DIP2C: variants seen among roughly 807,000 people sequenced by gnomAD.
The protein encoded by DIP2C is DIP2 acetate--CoA ligase C (putative).
DIP2C carries 33 observed loss-of-function variants against 192.4 expected under a neutral mutation model. The ratio of observed to expected loss-of-function variants is 0.17; its 90% CI spans 0.13 to 0.23. The LOEUF (loss-of-function observed/expected upper bound fraction) is 0.23, where lower values mean the gene tolerates loss of function less well. DIP2C is among the 10% of genes least tolerant of loss of function. The pLI, the probability that DIP2C is intolerant of heterozygous loss-of-function variation, is 1.00. For missense variants in DIP2C, 1,537 were observed against 2,110.1 expected, an observed-to-expected ratio of 0.73 and a Z score of 5.32; for synonymous variants, 979 against 864.1, an observed-to-expected ratio of 1.13 and a Z score of -2.33.
At chr10:436,150 G>A (rs1967173598) in intron 4 of DIP2C, among the ~76,000 whole-genome samples, 1 of 152,220 alleles carries the variant, frequency 6.6e-6, no homozygotes, top group African/African-American at 2.4e-5. Flanking sequence ...ACCACGTGTG[G>A]TGAGTGACAG....
At chr10:291,996 C>A (rs1024443305) in intron 32 of DIP2C, among the ~76,000 whole-genome samples, 1 of 152,216 alleles carries the variant, frequency 6.6e-6, no homozygotes, top group African/African-American at 2.4e-5. Context: ...GACTGAGCCA[C>A]CAAAAGGACC....
At chr10:576,181 C>A (rs938169895) in intron 1 of DIP2C, among the ~76,000 whole-genome samples, 8 of 152,218 alleles carry the variant, frequency 5.3e-5, no homozygotes, top group Non-Finnish European at 1.0e-4. Flanking sequence ...ACATGTCCAG[C>A]ATTTATAAAT....
In DIP2C at chr10:281,205, C is replaced by T. The variant is rs375053800; in HGVS notation, c.4413G>A (p.Thr1471=). ...GCTGCAAGCTCACGACTTACCATTCCGTAACGCTTTTATGGGCTCTGATGA... is the reference window on the plus strand; with the variant it reads ...GCTGCAAGCTCACGACTTACCATTCTGTAACGCTTTTATGGGCTCTGATGA... ...TSVIRAHKSV[T]ECAVFTWTNL... The change falls in exon 36 of 37, where the codon ACG becomes ACA. Residue 1471 remains threonine (T), a synonymous_variant. Coordinates refer to ENST00000280886, the MANE Select transcript of DIP2C (RefSeq NM_014974.3). The T allele has an allele frequency of 1.1e-5, 17 of 1,613,896 alleles. No individual in the cohort carries two copies. Among genetic ancestry groups the T allele is most frequent in the Middle Eastern group, 1.6e-4 (1 of 6,082 alleles).
intron 9 of DIP2C, among the ~76,000 whole-genome samples, chr10:406,929 G>C (rs1278290881): frequency 6.6e-6 from 1 of 151,794 alleles, no homozygotes; most frequent in Non-Finnish European, 1.5e-5. Flanking sequence ...ACCCACCCAG[G>C]AACAGAAGAC....
intron 4 of DIP2C, among the ~76,000 whole-genome samples, chr10:434,739 G>GTATA (rs1486060006): frequency 3.9e-5 from 6 of 152,258 alleles, no homozygotes; most frequent in African/African-American, 1.4e-4. Flanking sequence ...ATTTCACAGG[G>GTATA]TATAGACTTC....
chr10:604,183 C>A (rs569394966), intron 1 of DIP2C, among the ~76,000 whole-genome samples: 1 of 152,080 alleles, frequency 6.6e-6, no homozygotes, highest in African/African-American at 2.4e-5. Flanking sequence ...CTGTCTGTTA[C>A]GCAGTCACAT....
chr10:579,671 G>C (rs941027336), intron 1 of DIP2C, among the ~76,000 whole-genome samples: 1 of 151,962 alleles, frequency 6.6e-6, no homozygotes, highest in South Asian at 2.1e-4. Context: ...CATAGTGTAT[G>C]TACGTAAGTG....
At chr10:411,238 G>C (rs1376604903) in intron 8 of DIP2C, among the ~76,000 whole-genome samples, 1 of 152,230 alleles carries the variant, frequency 6.6e-6, no homozygotes, top group African/African-American at 2.4e-5. Flanking sequence ...TCCTTGGTAG[G>C]AAAGCCAGAT....
chr10:360,153 C>T lies in DIP2C; in HGVS notation c.2795-2216G>A, dbSNP rs569700786. 7.2e-5 allele frequency among the ~76,000 whole-genome samples: 11 copies of T among 152,320 alleles called. No homozygotes were observed. The South Asian group carries it at 1.0e-3, about 14-fold the overall frequency. Reference sequence around the variant, plus strand: ...GACGTAGCACGTTCCCTCATCTCCACGTGCATCCTCTGAATGGAAGTTTGG... The same window carrying T: ...GACGTAGCACGTTCCCTCATCTCCATGTGCATCCTCTGAATGGAAGTTTGG... On this transcript the variant is annotated intron_variant, in intron 22 of 36. Coordinates refer to ENST00000280886, the MANE Select transcript of DIP2C (RefSeq NM_014974.3).
chr10:474,301 C>T (rs1314185050), intron 2 of DIP2C, among the ~76,000 whole-genome samples: 2 of 152,166 alleles, frequency 1.3e-5, no homozygotes, highest in African/African-American at 2.4e-5. Flanking sequence ...CTACAAATAC[C>T]GTTCTATCTT....
chr10:405,974 T>C (rs963853716), intron 9 of DIP2C, among the ~76,000 whole-genome samples: 13 of 152,300 alleles, frequency 8.5e-5, no homozygotes, highest in African/African-American at 2.6e-4. Context: ...TTTAGAAAAG[T>C]AGCGCCTTCA....
intron 1 of DIP2C, among the ~76,000 whole-genome samples, chr10:555,739 A>C (rs1322464828): frequency 6.6e-6 from 1 of 152,118 alleles, no homozygotes; most frequent in East Asian, 1.9e-4. Flanking sequence ...CTATGAAAAG[A>C]ATCTATAGAG....
intron 1 of DIP2C, among the ~76,000 whole-genome samples, chr10:543,323 A>G (rs1848109575): frequency 6.6e-6 from 1 of 152,250 alleles, no homozygotes; most frequent in African/African-American, 2.4e-5. Flanking sequence ...AGTAGCGAGA[A>G]CGTACACAGA....
At chr10:621,506 G>C (rs970604392) in intron 1 of DIP2C, among the ~76,000 whole-genome samples, 1 of 152,210 alleles carries the variant, frequency 6.6e-6, no homozygotes, top group African/African-American at 2.4e-5. Flanking sequence ...CACCCCCCAG[G>C]GGTGCACACA....
At chr10:591,945 C>T (rs1464689522) in intron 1 of DIP2C, among the ~76,000 whole-genome samples, 2 of 152,200 alleles carry the variant, frequency 1.3e-5, no homozygotes, top group Admixed American at 6.5e-5. Context: ...ATGTGCTTTA[C>T]ATCTTGTCTC....
In DIP2C at chr10:487,349, G is replaced by A. The variant is rs576767677; in HGVS notation, c.86-819C>T. On this transcript the variant is annotated intron_variant, in intron 1 of 36. Coordinates refer to ENST00000280886, the MANE Select transcript of DIP2C (RefSeq NM_014974.3). ...AAGCTTTAACAAAAATATAGCAAAT[G>A]AATGAAAAGTTATCAAGGTACACAC... is the stretch of plus-strand genomic sequence containing the variant. Among the ~76,000 whole-genome samples, 17 of 152,256 alleles carry A rather than the reference G, an allele frequency of 1.1e-4. No homozygotes were observed. The South Asian group carries it at 3.1e-3, about 28-fold the overall frequency.
intron 1 of DIP2C, among the ~76,000 whole-genome samples, chr10:612,308 C>A (rs1315253042): frequency 1.3e-5 from 2 of 151,832 alleles, no homozygotes; most frequent in Admixed American, 6.6e-5. Context: ...AAAAAATAAA[C>A]CAATACACCC....
intron 1 of DIP2C, among the ~76,000 whole-genome samples, chr10:647,200 C>T (rs1263310320): frequency 1.3e-5 from 2 of 151,440 alleles, no homozygotes; most frequent in Non-Finnish European, 2.9e-5. Context: ...CAGAGGGAAA[C>T]TGAGTCCACG....
chr10:586,552 C>A (rs181964300), intron 1 of DIP2C, among the ~76,000 whole-genome samples: 9 of 152,344 alleles, frequency 5.9e-5, no homozygotes, highest in Admixed American at 5.9e-4. Context: ...GGAGGCTGTG[C>A]TCGGAAGGTG....
Sources: allele counts gnomAD v4.1 joint callset (sites outside exome capture counted in the v4.1 genomes callset), GRCh38; gene constraint gnomAD v4.1.1; transcripts MANE v1.5; gene names NCBI Gene and HGNC (gene_info 2026-07-23, HGNC 2026-07-21).